Variants in HERC3 observed in about 807,000 individuals in gnomAD.
The protein encoded by HERC3 is HECT and RLD domain containing E3 ubiquitin protein ligase 3.
In HERC3, 58 loss-of-function variants were observed where a neutral mutation model predicts 129.9. The ratio of observed to expected loss-of-function variants is 0.45; its 90% CI spans 0.36 to 0.56. HERC3 has a LOEUF of 0.56. HERC3 is among the 20% of genes least tolerant of loss of function. The probability of loss-of-function intolerance (pLI) is 0.00; values close to 1 mark genes in which losing one functional copy is unlikely to be tolerated. For synonymous variants in HERC3, 430 were observed against 451.0 expected (o/e 0.95, Z 0.59); for missense variants, 835 against 1,244.2 (o/e 0.67, Z 4.95).
rs79271747 is a variant in HERC3 at position 88,705,610 on chromosome 4, C to A, written c.2944+1000C>A. Among the ~76,000 whole-genome samples, 446 of 152,258 alleles carry A rather than the reference C, an allele frequency of 2.9e-3. 15 individuals carry two copies. The East Asian group carries it at 0.073, about 25-fold the overall frequency. ...ATGACATTTGAGAAGGGTAATAATA[C>A]CTTTGGAAAGGAGAATGAATTCTAA... On this transcript the variant is annotated intron_variant, in intron 25 of 25. Coordinates refer to ENST00000402738, the MANE Select transcript of HERC3 (RefSeq NM_014606.3).
At chr4:88,655,668 T>C (rs532232133) in intron 8 of HERC3, among the ~76,000 whole-genome samples, 1 of 152,272 alleles carries the variant, frequency 6.6e-6, no homozygotes, top group Admixed American at 6.5e-5. Flanking sequence ...TTCAGCTCTT[T>C]CCTGACTTGC....
rs150393569 is a variant in HERC3, at chr4:88,594,054, CCT to C, written c.-88+1483_-88+1484del. Among the ~76,000 whole-genome samples, 1,327 of 152,288 alleles carry C rather than the reference CCT, an allele frequency of 8.7e-3. 16 individuals are homozygous for C. Among genetic ancestry groups the C allele is most frequent in the African/African-American group, 0.03 (1,248 of 41,562 alleles). ...GGGAACAAGGAGGACAGGTTAGAAA[CCT>C]CTTTGGCAGAACTCCTTTGGCATGA... is the stretch of plus-strand genomic sequence containing the variant. On this transcript the variant is annotated intron_variant, in intron 1 of 25. Coordinates refer to ENST00000402738, the MANE Select transcript of HERC3 (RefSeq NM_014606.3).
chr4:88,703,518 T>G (rs1735504777), intron 23 of HERC3, among the ~76,000 whole-genome samples: 1 of 152,194 alleles, frequency 6.6e-6, no homozygotes, highest in Non-Finnish European at 1.5e-5. Flanking sequence ...TAGGCCAGTC[T>G]GATGAGTGCA....
chr4:88,578,688 G>T, the HERC3 span, among the ~76,000 whole-genome samples: 26 of 151,960 alleles, frequency 1.7e-4, no homozygotes, highest in Non-Finnish European at 2.2e-4. Context: ...GGAGGAGGAG[G>T]TAACACTACA....
the HERC3 span, among the ~76,000 whole-genome samples, chr4:88,580,695 A>G: frequency 6.6e-6 from 1 of 152,218 alleles, no homozygotes; most frequent in Non-Finnish European, 1.5e-5. Flanking sequence ...GCTCCCACAT[A>G]GTACAATGAT....
At chr4:88,668,799 G>A (rs1378084642) in intron 14 of HERC3, 1 of 152,200 alleles carries the variant, frequency 6.6e-6, no homozygotes, top group African/African-American at 2.4e-5. Flanking sequence ...TGAATAAAGA[G>A]ATTGTGTTCC....
chr4:88,613,186 T>C (rs1298290897), intron 3 of HERC3, among the ~76,000 whole-genome samples: 1 of 152,212 alleles, frequency 6.6e-6, no homozygotes, highest in Non-Finnish European at 1.5e-5. Flanking sequence ...TAATCTAATT[T>C]GACTCTGCTA....
the HERC3 span, among the ~76,000 whole-genome samples, chr4:88,573,516 T>C: frequency 2.6e-5 from 4 of 152,204 alleles, no homozygotes; most frequent in Non-Finnish European, 5.9e-5. Flanking sequence ...GATGATAGGA[T>C]GGTGACCTAA....
At chr4:88,590,225 G>A (rs1721628153), upstream of HERC3, among the ~76,000 whole-genome samples, 3 of 151,410 alleles carry the variant, frequency 2.0e-5, no homozygotes, top group Admixed American at 2.0e-4. Flanking sequence ...CAGAGATCGC[G>A]CCACTGCACT....
the HERC3 span, among the ~76,000 whole-genome samples, chr4:88,568,743 C>A: frequency 2.6e-5 from 4 of 151,864 alleles, no homozygotes; most frequent in Non-Finnish European, 5.9e-5. Flanking sequence ...CAGAGTGTGT[C>A]TAGAAGTGCC....
the HERC3 span, among the ~76,000 whole-genome samples, chr4:88,559,380 A>G: frequency 6.6e-6 from 1 of 152,170 alleles, no homozygotes; most frequent in Middle Eastern, 3.2e-3. Context: ...TCATCCTTCA[A>G]AGACATGATA....
chr4:88,650,439 A>G (rs1430848520), intron 4 of HERC3, among the ~76,000 whole-genome samples: 1 of 152,252 alleles, frequency 6.6e-6, no homozygotes, highest in Non-Finnish European at 1.5e-5. Context: ...CCAGATATAC[A>G]TAGATTCTTT....
rs1387770674 is a variant in HERC3, at chr4:88,670,212, A to G, written c.1871A>G (p.Gln624Arg). 2.5e-6 allele frequency: 4 copies of G among 1,612,962 alleles called. No homozygotes were observed. Among genetic ancestry groups the G allele is most frequent in the South Asian group, 1.1e-5 (1 of 91,052 alleles). Residue 624 changes from glutamine (Q) to arginine (R), a missense_variant, in exon 16 of 26, where the codon CAG (glutamine) becomes CGG (arginine). Gln to Arg is a conservative substitution (Grantham distance 43). Transcript: ENST00000402738. ...IPEISNLVDI[Q>R]EDYLMWFLHQ... is the part of the protein sequence containing the mutation. ...GAGATTTCCAATCTCGTGGACATTCAGGAAGACTACCTCATGTGGTTCTTG... is the reference window on the plus strand; with the variant it reads ...GAGATTTCCAATCTCGTGGACATTCGGGAAGACTACCTCATGTGGTTCTTG...
intron 3 of HERC3, among the ~76,000 whole-genome samples, chr4:88,648,024 T>C (rs1728885305): frequency 6.6e-6 from 1 of 152,206 alleles, no homozygotes; most frequent in African/African-American, 2.4e-5. Flanking sequence ...TTGACAATTA[T>C]TAACTATGGA....
intron 3 of HERC3, among the ~76,000 whole-genome samples, chr4:88,607,424 A>G (rs904157809): frequency 6.6e-6 from 1 of 152,108 alleles, no homozygotes; most frequent in African/African-American, 2.4e-5. Flanking sequence ...AACAGGTGCT[A>G]CACATATTTT....
chr4:88,686,479 A>G (rs145462875), intron 21 of HERC3, among the ~76,000 whole-genome samples: 4 of 152,348 alleles, frequency 2.6e-5, no homozygotes, highest in East Asian at 1.9e-4. Flanking sequence ...TTAAAAATCC[A>G]TCTGATTTTC....
rs548989371 is a variant in HERC3 at position 88,670,056 on chromosome 4, G to C, written c.1797+33G>C. ...TAGGAGGTGCTAGTGGGGAGGGGGTGATTAGATGGTAGGGTAAAATGTCCT... is the reference window on the plus strand; with the variant it reads ...TAGGAGGTGCTAGTGGGGAGGGGGTCATTAGATGGTAGGGTAAAATGTCCT... On this transcript the variant is annotated intron_variant, in intron 15 of 25. Transcript: ENST00000402738. The C allele has an allele frequency of 1.4e-5, 23 of 1,608,004 alleles. No homozygotes were observed. The African/African-American group carries it at 2.8e-4, about 20-fold the overall frequency.
chr4:88,705,692 CTG>C (rs1279458332), intron 25 of HERC3, among the ~76,000 whole-genome samples: 5 of 152,142 alleles, frequency 3.3e-5, no homozygotes, highest in East Asian at 1.9e-4. Flanking sequence ...CAGTTTGTGT[CTG>C]TGTGTAATCA....
At chr4:88,668,164 C>T in intron 14 of HERC3, 83 bp downstream of exon 14, 1 of 1,095,546 alleles carries the variant, frequency 9.1e-7, no homozygotes, top group Non-Finnish European at 1.4e-6. Context: ...GGATTGAGAT[C>T]CAAGAATCTA....
Sources: allele counts gnomAD v4.1 joint callset (sites outside exome capture counted in the v4.1 genomes callset), GRCh38; gene constraint gnomAD v4.1.1; transcripts MANE v1.5; gene names NCBI Gene and HGNC (gene_info 2026-07-23, HGNC 2026-07-21).